The following ADGRB3 variants were observed in gnomAD, a reference collection of about 807,000 sequenced individuals.
ADGRB3 encodes the protein brain-specific angiogenesis inhibitor 3.
ADGRB3 carries 37 observed loss-of-function variants against 193.4 expected under a neutral mutation model. That is an observed-to-expected ratio of 0.19 (90% CI 0.15 to 0.25). The LOEUF is 0.25. Ranked by LOEUF, ADGRB3 falls within the 10% of genes least tolerant of loss-of-function variation. The pLI is 1.00. For missense variants in ADGRB3, 1,637 were observed against 1,852.9 expected (o/e 0.88, Z 2.14); for synonymous variants, 690 against 644.2 (o/e 1.07, Z -1.08).
intron 20 of ADGRB3, among the ~76,000 whole-genome samples, chr6:69,240,036 T>A (rs994316798): frequency 1.3e-5 from 2 of 152,022 alleles, no homozygotes; most frequent in African/African-American, 4.8e-5. Context: ...AGCGAATAAT[T>A]AAAAATTTTC....
At chr6:68,956,620 A>C in intron 7 of ADGRB3, 25 bp from the exon 8 acceptor site, 1 of 1,613,326 alleles carries the variant, frequency 6.2e-7, no homozygotes, top group Non-Finnish European at 8.5e-7. Context: ...GATGACTGAC[A>C]TTGACCATGA....
intron 17 of ADGRB3, among the ~76,000 whole-genome samples, chr6:69,098,121 C>A (rs1772937075): frequency 6.6e-6 from 1 of 152,112 alleles, no homozygotes; most frequent in African/African-American, 2.4e-5. Flanking sequence ...TAAAATAGTG[C>A]AGCTTACCTG....
At chr6:69,216,318 A>C (rs550352787) in intron 17 of ADGRB3, among the ~76,000 whole-genome samples, 10 of 152,298 alleles carry the variant, frequency 6.6e-5, no homozygotes, top group African/African-American at 2.4e-4. Context: ...ATTAGTGAGA[A>C]AATTTACCTA....
chr6:69,033,056 C>G (rs1406093299), intron 13 of ADGRB3, among the ~76,000 whole-genome samples: 3 of 152,028 alleles, frequency 2.0e-5, no homozygotes, highest in Admixed American at 6.6e-5. Context: ...GTTTAGTATC[C>G]TACATTTTAA....
At chr6:69,260,162 G>A (rs1394966279) in intron 20 of ADGRB3, among the ~76,000 whole-genome samples, 1 of 152,124 alleles carries the variant, frequency 6.6e-6, no homozygotes, top group African/African-American at 2.4e-5. Flanking sequence ...CACATTAACA[G>A]TCAATTTTCT....
At chr6:69,124,040 T>C (rs1773788686) in intron 17 of ADGRB3, among the ~76,000 whole-genome samples, 1 of 152,070 alleles carries the variant, frequency 6.6e-6, no homozygotes, top group Admixed American at 6.6e-5. Flanking sequence ...ATCCTTCCTA[T>C]AAACATTAGA....
chr6:69,164,088 T>G (rs964338943), intron 17 of ADGRB3, among the ~76,000 whole-genome samples: 1 of 152,034 alleles, frequency 6.6e-6, no homozygotes, highest in African/African-American at 2.4e-5. Context: ...TTCTCCAGTA[T>G]TTTTTTCCCA....
chr6:69,066,607 G>T (rs986705420), intron 16 of ADGRB3, among the ~76,000 whole-genome samples: 61 of 152,050 alleles, frequency 4.0e-4, no homozygotes, highest in Non-Finnish European at 1.3e-4. Flanking sequence ...GCTTTAACCA[G>T]ATTAGTCATT....
chr6:68,747,549 A>G (rs1766108689), intron 3 of ADGRB3, among the ~76,000 whole-genome samples: 1 of 152,218 alleles, frequency 6.6e-6, no homozygotes, highest in Non-Finnish European at 1.5e-5. Flanking sequence ...TCAGAATCTG[A>G]ACATACTATT....
chr6:69,366,823 C>A (rs1472267062), intron 29 of ADGRB3, among the ~76,000 whole-genome samples: 1 of 152,120 alleles, frequency 6.6e-6, no homozygotes. Context: ...TGTTGTCGTG[C>A]AGCTCTTTTA....
chr6:68,917,504 T>C (rs1766916253), intron 3 of ADGRB3, among the ~76,000 whole-genome samples: 1 of 152,202 alleles, frequency 6.6e-6, no homozygotes, highest in Non-Finnish European at 1.5e-5. Context: ...TGAAGTTTTC[T>C]TGTTTCAAGT....
chr6:68,819,383 T>C (rs910735437), intron 3 of ADGRB3, among the ~76,000 whole-genome samples: 14 of 151,988 alleles, frequency 9.2e-5, no homozygotes, highest in Non-Finnish European at 1.5e-4. Flanking sequence ...CTGTACTATC[T>C]TGCATTGCCC....
At chr6:68,954,402 A>C (rs1160078616) in intron 6 of ADGRB3, among the ~76,000 whole-genome samples, 3 of 152,142 alleles carry the variant, frequency 2.0e-5, no homozygotes, top group Non-Finnish European at 4.4e-5. Context: ...AATCTCCCAA[A>C]GATAAATCAA....
At chr6:68,664,587 C>T (rs111688044) in intron 3 of ADGRB3, among the ~76,000 whole-genome samples, 1 of 151,842 alleles carries the variant, frequency 6.6e-6, no homozygotes, top group Non-Finnish European at 1.5e-5. Context: ...ATGAGAAATA[C>T]ATTTCCTTTG....
At chr6:68,684,602 G>A (rs1213714022) in intron 3 of ADGRB3, among the ~76,000 whole-genome samples, 3 of 152,032 alleles carry the variant, frequency 2.0e-5, no homozygotes, top group African/African-American at 7.2e-5. Flanking sequence ...TTTATTAAGA[G>A]GAACTTGATT....
intron 17 of ADGRB3, among the ~76,000 whole-genome samples, chr6:69,203,721 T>A (rs944103928): frequency 6.6e-6 from 1 of 152,146 alleles, no homozygotes; most frequent in Admixed American, 6.6e-5. Context: ...TACATCTTTC[T>A]TCTAAACTAA....
intron 3 of ADGRB3, among the ~76,000 whole-genome samples, chr6:68,908,967 A>C (rs1766624206): frequency 6.6e-6 from 1 of 151,826 alleles, no homozygotes; most frequent in Non-Finnish European, 1.5e-5. Context: ...TTCTCCTGAG[A>C]CCCCCTCTTT....
chr6:69,228,149 C>T (rs542970544), intron 17 of ADGRB3, among the ~76,000 whole-genome samples: 17 of 152,084 alleles, frequency 1.1e-4, no homozygotes, highest in African/African-American at 3.6e-4. Context: ...CCCAGCTACT[C>T]GGGAGGCTGA....
intron 3 of ADGRB3, among the ~76,000 whole-genome samples, chr6:68,661,888 A>G (rs1484883562): frequency 1.3e-5 from 2 of 151,388 alleles, no homozygotes; most frequent in African/African-American, 2.4e-5. Flanking sequence ...TAATCCAAAA[A>G]TAAATTGATT....
Sources: gnomAD v4.1 joint callset for allele counts (sites outside exome capture counted in the v4.1 genomes callset) on GRCh38, gnomAD v4.1.1 for gene constraint, MANE v1.5 for transcripts, NCBI Gene and HGNC (gene_info 2026-07-23, HGNC 2026-07-21) for gene names.